ALOX15B: variants seen among roughly 807,000 people sequenced by gnomAD.
ALOX15B encodes polyunsaturated fatty acid lipoxygenase ALOX15B.
In ALOX15B, 74 loss-of-function variants were observed where a neutral mutation model predicts 73.8. The ratio of observed to expected loss-of-function variants is 1.00; its 90% CI spans 0.83 to 1.22. The LOEUF (loss-of-function observed/expected upper bound fraction) is 1.22. ALOX15B is among the 50% of genes most tolerant of loss of function. The pLI, the probability that ALOX15B is intolerant of heterozygous loss-of-function variation, is 0.00. For missense variants in ALOX15B, 896 were observed against 859.9 expected, an observed-to-expected ratio of 1.04 and a Z score of -0.52; for synonymous variants, 353 against 357.2, an observed-to-expected ratio of 0.99 and a Z score of 0.13.
rs374349454 is a variant in ALOX15B, at chr17:8,047,929, T to C, written c.1851+14T>C. The C allele has an allele frequency of 6.2e-7, 1 of 1,613,090 alleles. No homozygotes were observed. The highest frequency in any genetic ancestry group is 1.3e-5 in the African/African-American group (1 of 74,886). ...CCTGGAGACCAAGTGAGTGTGGGGC[T>C]GGGGGCCAGGCTGGGCCAAATTGGG... On this transcript the variant is annotated intron_variant, in intron 13 of 13. Coordinates refer to ENST00000380183, the MANE Select transcript of ALOX15B (RefSeq NM_001141.3).
chr17:8,043,554 C>T (rs1357290992), intron 5 of ALOX15B, among the ~76,000 whole-genome samples: 6 of 152,204 alleles, frequency 3.9e-5, no homozygotes, highest in Non-Finnish European at 8.8e-5. Context: ...TTCCTCAGCC[C>T]AGTGCTTGAC....
intron 2 of ALOX15B, 75 bp from the exon 3 acceptor site, chr17:8,039,827 C>T (rs562473293): frequency 2.1e-6 from 3 of 1,447,758 alleles, no homozygotes; most frequent in Non-Finnish European, 2.9e-6. Context: ...GGGTGGCAAT[C>T]GTGGAGACTG....
At chr17:8,048,365 A>T in intron 13 of ALOX15B, 21 bp from the exon 14 acceptor site, 1 of 1,600,870 alleles carries the variant, frequency 6.2e-7, no homozygotes, top group Non-Finnish European at 8.5e-7. Context: ...CGCCTCACCC[A>T]ACCTTGTGGT....
chr17:8,043,006 C>A, intron 5 of ALOX15B, 122 bp downstream of exon 5: 2 of 732,368 alleles, frequency 2.7e-6, no homozygotes, highest in Non-Finnish European at 4.5e-6. Flanking sequence ...CCTTGCTAGA[C>A]CTTACTTTTC....
Position 8,048,720 on chromosome 17 carries a change from A to G in ALOX15B, c.*155A>G. 1 of 686,488 alleles carries G rather than the reference A, an allele frequency of 1.5e-6. No individual in the cohort carries two copies. The highest frequency in any genetic ancestry group is 2.8e-5 in the East Asian group (1 of 35,386). The allele number at this position is 686,488 out of a possible 1,614,324, so 42.5% of individuals were successfully genotyped here. A position where few individuals can be genotyped will look rare whatever the true frequency, so the allele number is the denominator to read the frequency against. On this transcript the variant is annotated 3_prime_UTR_variant, in exon 14 of 14. Transcript: ENST00000380183. ...GTAACTCACCCCCACCACCATACAC[A>G]CACACAAAAACAGAAACAAAATCAA...
rs1976612685 is a variant in ALOX15B at position 8,046,584 on chromosome 17, G to A, written c.1201-84G>A. ...CTTGTTGCCTCTTTCCAAGTGACTT[G>A]CAGGGCTGGTGCCTGTGTGGGGGAA... On this transcript the variant is annotated intron_variant, in intron 8 of 13. Coordinates refer to ENST00000380183, the MANE Select transcript of ALOX15B (RefSeq NM_001141.3). 2.9e-6 allele frequency: 4 copies of A among 1,394,562 alleles called. No individual in the cohort carries two copies. In the East Asian group the frequency reaches 9.9e-5, roughly 34 times the overall value. The allele number at this position is 1,394,562 out of a possible 1,614,324, so 86.4% of individuals were successfully genotyped here. A position where few individuals can be genotyped will look rare whatever the true frequency, so the allele number is the denominator to read the frequency against.
At chr17:8,039,660 C>CAA in intron 2 of ALOX15B, 55 bp downstream of exon 2, 1 of 770,654 alleles carries the variant, frequency 1.3e-6, no homozygotes, top group East Asian at 2.9e-5. Flanking sequence ...GGGTAGGGGA[C>CAA]TGGGGGTTGG....
chr17:8,046,277 C>A (rs750794666), intron 8 of ALOX15B, among the ~76,000 whole-genome samples: 12 of 152,230 alleles, frequency 7.9e-5, no homozygotes, highest in Non-Finnish European at 1.5e-4. Context: ...TCTGCAGCTT[C>A]TGAGGCCTGG....
chr17:8,042,424 G>C lies in ALOX15B; in HGVS notation c.505G>C (p.Asp169His). ...CTGCCTGGATGAAAAGACAGTGGAA[G>C]ACTTGGAGCTCAATATCAAATACTC... ...PHCLDEKTVE[D>H]LELNIKYSTA... is the part of the protein sequence containing the mutation. The change falls in exon 4 of 14, where the codon GAC becomes CAC. Residue 169 changes from aspartate to histidine, a missense_variant. Coordinates refer to ENST00000380183, the MANE Select transcript of ALOX15B (RefSeq NM_001141.3). 6.2e-7 allele frequency: 1 copy of C among 1,614,106 alleles called. No homozygotes were observed. Among genetic ancestry groups the C allele is most frequent in the Non-Finnish European group, 8.5e-7 (1 of 1,180,034 alleles).
intron 3 of ALOX15B, among the ~76,000 whole-genome samples, chr17:8,040,656 G>GAAAGAAAGAA: frequency 8.4e-6 from 1 of 118,476 alleles, no homozygotes; most frequent in South Asian, 2.9e-4. Context: ...AGAAAGAAAA[G>GAAAGAAAGAA]AAAGAGAAAG....
intron 8 of ALOX15B, among the ~76,000 whole-genome samples, chr17:8,046,336 G>A (rs1039648550): frequency 6.6e-6 from 1 of 152,226 alleles, no homozygotes; most frequent in African/African-American, 2.4e-5. Context: ...CAGGCCCACA[G>A]GCCCTGGTTT....
Position 8,039,215 on chromosome 17 carries a change from C to T in ALOX15B, c.60C>T (p.Asp20=). 6.2e-7 allele frequency: 1 copy of T among 1,611,756 alleles called. No homozygotes were observed. The highest frequency in any genetic ancestry group is 8.5e-7 in the Non-Finnish European group (1 of 1,178,916). ...AAGCCTTCGGGGCTGGCACATGGGA[C>T]AAAGTGTCTGTCAGCATCGTGGGGA... ...TGEAFGAGTW[D]KVSVSIVGTR... The change falls in exon 1 of 14, where the codon GAC becomes GAT. Residue 20 remains aspartate, a synonymous_variant. Transcript: ENST00000380183.
chr17:8,045,185 C>A (rs1225654021), intron 6 of ALOX15B, 53 bp from the exon 7 acceptor site: 7 of 1,612,212 alleles, frequency 4.3e-6, no homozygotes, highest in Non-Finnish European at 4.2e-6. Context: ...TACAACTGCA[C>A]CCCCTTCATT....
chr17:8,039,442 C>G lies in ALOX15B; in HGVS notation c.204C>G (p.Arg68=), dbSNP rs542992184. The G allele has an allele frequency of 1.2e-6, 2 of 1,611,068 alleles. No individual in the cohort carries two copies. The highest frequency in any genetic ancestry group is 2.7e-5 in the African/African-American group (2 of 74,972). The change falls in exon 2 of 14, where the codon CGC becomes CGG. Residue 68 remains arginine, a synonymous_variant. Coordinates refer to ENST00000380183, the MANE Select transcript of ALOX15B (RefSeq NM_001141.3). ...PEDVGRVLLL[R]VHKAPPVLPL... is the part of the protein sequence containing the mutation. ...ACGTAGGCCGAGTGCTGCTGCTGCG[C>G]GTGCACAAGGCGCCCCCAGTGCTGC... is the stretch of plus-strand genomic sequence containing the variant.
chr17:8,040,643 GAAAGAAAGA>G (rs753840330), intron 3 of ALOX15B, among the ~76,000 whole-genome samples: 6,221 of 134,290 alleles, frequency 0.046, 193 homozygotes, highest in Non-Finnish European at 0.064. Context: ...AAGAAAGAAA[GAAAGAAAGA>G]AAAGAAAGAG....
rs746369168 is a variant in ALOX15B at position 8,039,368 on chromosome 17, T to C, written c.148-18T>C. On this transcript the variant is annotated intron_variant, in intron 1 of 13. Transcript: ENST00000380183. ...GAGCAGGAGGGTCCGGCCTGACGCA[T>C]ACTTAACCTCCCCTCAGGAGGAGGA... The C allele has an allele frequency of 3.7e-6, 6 of 1,608,456 alleles. No homozygotes were observed. The African/African-American group carries it at 8.0e-5, about 21-fold the overall frequency.
chr17:8,040,972 T>G (rs1484023178), intron 3 of ALOX15B, among the ~76,000 whole-genome samples: 1 of 152,096 alleles, frequency 6.6e-6, no homozygotes, highest in Non-Finnish European at 1.5e-5. Flanking sequence ...TCAAAAGATC[T>G]TGATCCGGCC....
At chr17:8,042,743 C>T in intron 4 of ALOX15B, 38 bp from the exon 5 acceptor site, 1 of 1,517,888 alleles carries the variant, frequency 6.6e-7, no homozygotes, top group Non-Finnish European at 8.9e-7. Context: ...TCTCCCAGGG[C>T]CTCCTCCCCA....
Position 8,039,600 on chromosome 17 carries a change from GTACAGGTGAGGGGCGGGCCGGGCT to G in ALOX15B, c.363_367+19del. ...GCGGGGACCCTGGTGCTGCAGGAGG[GTACAGGTGAGGGGCGGGCCGGGCT>G]GGGGCTGCAGGGGGAGCACAGGAAG... is the stretch of plus-strand genomic sequence containing the variant. On this transcript the variant is annotated splice_donor_variant and splice_donor_5th_base_variant and coding_sequence_variant and intron_variant, in exon 2 of 14. Transcript: ENST00000380183. LOFTEE classifies it high-confidence loss of function. 1 of 1,053,926 alleles carries G rather than the reference GTACAGGTGAGGGGCGGGCCGGGCT, an allele frequency of 9.5e-7. No homozygotes were observed. The highest frequency in any genetic ancestry group is 1.3e-6 in the Non-Finnish European group (1 of 748,874). The allele number at this position is 1,053,926 out of a possible 1,614,324, so 65.3% of individuals were successfully genotyped here. A position where few individuals can be genotyped will look rare whatever the true frequency, so the allele number is the denominator to read the frequency against.
Sources: allele counts gnomAD v4.1 joint callset (sites outside exome capture counted in the v4.1 genomes callset), GRCh38; gene constraint gnomAD v4.1.1; transcripts MANE v1.5; gene names NCBI Gene and HGNC (gene_info 2026-07-23, HGNC 2026-07-21).